Variants in TNR observed in about 807,000 individuals in gnomAD.
TNR encodes the protein tenascin-R.
A neutral mutation model predicts 150.4 loss-of-function variants in TNR; 45 were observed. The ratio of observed to expected loss-of-function variants is 0.30; its 90% CI spans 0.24 to 0.38. The LOEUF (loss-of-function observed/expected upper bound fraction) is 0.38. Ranked by LOEUF, TNR falls within the 10% of genes least tolerant of loss-of-function variation. TNR has a pLI of 1.00. For missense variants in TNR, 1,544 were observed against 1,759.1 expected (o/e 0.88, Z 2.19); for synonymous variants, 687 against 678.4 (o/e 1.01, Z -0.20).
At chr1:175,512,991 T>C (rs1659253151) in intron 2 of TNR, among the ~76,000 whole-genome samples, 1 of 152,220 alleles carries the variant, frequency 6.6e-6, no homozygotes, top group African/African-American at 2.4e-5. Context: ...TTGGATGCTA[T>C]AGAATTTCAG....
At chr1:175,569,167 A>G (rs1661764157) in intron 1 of TNR, among the ~76,000 whole-genome samples, 1 of 152,164 alleles carries the variant, frequency 6.6e-6, no homozygotes, top group African/African-American at 2.4e-5. Flanking sequence ...GTTGCATCTC[A>G]ATTGCACTTG....
At chr1:175,739,551 CCTT>C (rs1404226866) in intron 1 of TNR, among the ~76,000 whole-genome samples, 3 of 152,082 alleles carry the variant, frequency 2.0e-5, no homozygotes, top group African/African-American at 7.2e-5. Context: ...AGTTACCAAA[CCTT>C]CTGATAACTC....
At chr1:175,742,435 C>T (rs1037522332) in intron 1 of TNR, among the ~76,000 whole-genome samples, 1 of 152,146 alleles carries the variant, frequency 6.6e-6, no homozygotes, top group African/African-American at 2.4e-5. Context: ...TCTTTCCAAC[C>T]ACCCATAGCC....
chr1:175,470,619 C>G (rs1290522850), intron 2 of TNR, among the ~76,000 whole-genome samples: 2 of 152,126 alleles, frequency 1.3e-5, no homozygotes, highest in African/African-American at 4.8e-5. Flanking sequence ...AATGGGGTAT[C>G]TATCCCTTCA....
At chr1:175,509,051 T>C (rs945573454) in intron 2 of TNR, among the ~76,000 whole-genome samples, 9 of 152,208 alleles carry the variant, frequency 5.9e-5, no homozygotes, top group Non-Finnish European at 1.5e-5. Context: ...ATCTTAAAAG[T>C]AAATAGACAT....
At chr1:175,385,938 C>T (rs1268201140) in intron 8 of TNR, 94 bp downstream of exon 8, 3 of 1,412,990 alleles carry the variant, frequency 2.1e-6, no homozygotes, top group African/African-American at 1.4e-5. Context: ...CACACCTTGC[C>T]TCATTCCTAA....
intron 1 of TNR, among the ~76,000 whole-genome samples, chr1:175,628,800 A>G (rs1664236635): frequency 6.6e-6 from 1 of 152,226 alleles, no homozygotes; most frequent in South Asian, 2.1e-4. Flanking sequence ...AAGCCCATCC[A>G]TCGTCTTCAA....
At chr1:175,407,042 G>A (rs777019667) in intron 2 of TNR, among the ~76,000 whole-genome samples, 14 of 152,224 alleles carry the variant, frequency 9.2e-5, no homozygotes, top group Non-Finnish European at 5.9e-5. Flanking sequence ...TCCCATGGTG[G>A]GCAAATGGTT....
intron 18 of TNR, among the ~76,000 whole-genome samples, chr1:175,345,873 A>C (rs961212512): frequency 4.6e-5 from 7 of 152,212 alleles, no homozygotes; most frequent in Admixed American, 2.0e-4. Context: ...ACTTCAAGAC[A>C]TATAATGAAG....
Position 175,367,722 on chromosome 1 carries a change from T to C in TNR, c.1964-425A>G, listed in dbSNP as rs143337833. ...GACCTGAAAAGCATTCCTTGAATGT[T>C]ATATACAAGGACCAAGCTACACCTT... On this transcript the variant is annotated intron_variant, in intron 9 of 22. Transcript: ENST00000367674. 7.1e-3 allele frequency among the ~76,000 whole-genome samples: 1,087 copies of C among 152,264 alleles called. 16 individuals carry two copies. The highest frequency in any genetic ancestry group is 0.025 in the African/African-American group (1,042 of 41,540).
chr1:175,405,829 T>C (rs768450539), intron 3 of TNR, among the ~76,000 whole-genome samples: 7 of 152,154 alleles, frequency 4.6e-5, no homozygotes, highest in Non-Finnish European at 1.0e-4. Context: ...TGGATAGATA[T>C]CAATTCAACA....
intron 8 of TNR, among the ~76,000 whole-genome samples, chr1:175,380,465 G>A (rs1010439344): frequency 1.3e-5 from 2 of 152,046 alleles, no homozygotes; most frequent in Admixed American, 6.5e-5. Context: ...CAGCTACTTG[G>A]GAGGCTGAGG....
chr1:175,373,270 G>T (rs907487355), intron 9 of TNR, among the ~76,000 whole-genome samples: 8 of 152,170 alleles, frequency 5.3e-5, no homozygotes, highest in African/African-American at 1.9e-4. Context: ...GACTAATATA[G>T]GGTCCCTCAT....
intron 2 of TNR, among the ~76,000 whole-genome samples, chr1:175,467,352 T>C (rs764752099): frequency 6.6e-6 from 1 of 152,210 alleles, no homozygotes; most frequent in Non-Finnish European, 1.5e-5. Flanking sequence ...TGCCTCATGT[T>C]CTTTAAAACC....
chr1:175,596,540 T>C (rs1248877565), intron 1 of TNR, among the ~76,000 whole-genome samples: 2 of 152,230 alleles, frequency 1.3e-5, no homozygotes, highest in Non-Finnish European at 2.9e-5. Flanking sequence ...ATCAATGATC[T>C]TTCTAAACTG....
At chr1:175,742,249 T>C (rs183818945) in intron 1 of TNR, among the ~76,000 whole-genome samples, 4 of 152,318 alleles carry the variant, frequency 2.6e-5, no homozygotes, top group Admixed American at 2.0e-4. Context: ...AATGAGCTCC[T>C]GTTTGCAGAG....
At chr1:175,427,185 C>T (rs185297383) in intron 2 of TNR, among the ~76,000 whole-genome samples, 1 of 151,336 alleles carries the variant, frequency 6.6e-6, no homozygotes. Flanking sequence ...TCATGACCCA[C>T]CAAGACATAA....
chr1:175,713,131 G>C (rs1023807719), intron 1 of TNR, among the ~76,000 whole-genome samples: 1 of 152,192 alleles, frequency 6.6e-6, no homozygotes, highest in African/African-American at 2.4e-5. Context: ...ATCAACCAAG[G>C]TAAGTCTTTC....
In TNR at chr1:175,324,350, G is replaced by A. The variant is rs61756252; in HGVS notation, c.3957+6C>T. The A allele has an allele frequency of 8.2e-4, 1,314 of 1,612,166 alleles. 1 individual carries two copies. The highest frequency in any genetic ancestry group is 1.5e-3 in the African/African-American group (112 of 75,008). On this transcript the variant is annotated splice_donor_region_variant and intron_variant, in intron 22 of 22. Coordinates refer to ENST00000367674, the MANE Select transcript of TNR (RefSeq NM_003285.3). ...TCATTCATAGCAGAGGTGGAGCATC[G>A]CTTACCTGACTGTGCCTGGACTCCC...
Sources: allele counts gnomAD v4.1 joint callset (sites outside exome capture counted in the v4.1 genomes callset), GRCh38; gene constraint gnomAD v4.1.1; transcripts MANE v1.5; gene names NCBI Gene and HGNC (gene_info 2026-07-23, HGNC 2026-07-21).